The following RTN1 variants were observed in gnomAD, a reference collection of about 807,000 sequenced individuals.
RTN1 encodes the protein reticulon-1.
In RTN1, 25 loss-of-function variants were observed where a neutral mutation model predicts 65.5. The ratio of observed to expected loss-of-function variants is 0.38; its 90% CI spans 0.28 to 0.53. The LOEUF is 0.53. Ranked by LOEUF, RTN1 falls within the 20% of genes least tolerant of loss-of-function variation. RTN1 has a pLI of 0.79. For synonymous variants in RTN1, 471 were observed against 447.6 expected (o/e 1.05, Z -0.66); for missense variants, 983 against 1,025.4 (o/e 0.96, Z 0.57).
In RTN1 at chr14:59,757,806, G is replaced by A. The variant is rs373924402; in HGVS notation, c.242-11325C>T. 2.0e-5 allele frequency among the ~76,000 whole-genome samples: 3 copies of A among 152,212 alleles called. No individual in the cohort carries two copies. The East Asian group carries it at 5.8e-4, about 29-fold the overall frequency. On this transcript the variant is annotated intron_variant, in intron 1 of 8. Coordinates refer to ENST00000267484, the MANE Select transcript of RTN1 (RefSeq NM_021136.3). ...ATGTTTGCTGCTTATAAGCCACCTAGTTTATGGTGTTTTGTTACAGCATCC... is the reference window on the plus strand; with the variant it reads ...ATGTTTGCTGCTTATAAGCCACCTAATTTATGGTGTTTTGTTACAGCATCC...
chr14:59,858,042 C>A (rs943682085), intron 1 of RTN1, among the ~76,000 whole-genome samples: 2 of 152,178 alleles, frequency 1.3e-5, no homozygotes, highest in African/African-American at 4.8e-5. Flanking sequence ...TAGCTTGTAC[C>A]ATCCATCCAA....
chr14:59,609,394 CA>C (rs1265685303), intron 3 of RTN1, among the ~76,000 whole-genome samples: 1 of 150,644 alleles, frequency 6.6e-6, no homozygotes. Context: ...TTGTCCTTAA[CA>C]ACAAAACATG....
intron 1 of RTN1, among the ~76,000 whole-genome samples, chr14:59,799,930 G>A (rs929797553): frequency 6.6e-6 from 1 of 152,140 alleles, no homozygotes; most frequent in Non-Finnish European, 1.5e-5. Flanking sequence ...TTAAGATCTA[G>A]ACACAGAGAA....
chr14:59,687,688 C>T (rs1474375209), intron 3 of RTN1, among the ~76,000 whole-genome samples: 4 of 152,030 alleles, frequency 2.6e-5, no homozygotes, highest in Non-Finnish European at 2.9e-5. Context: ...CCAAGCAGAT[C>T]TCCAGGCATT....
intron 3 of RTN1, among the ~76,000 whole-genome samples, chr14:59,710,940 A>C (rs182065433): frequency 3.9e-5 from 6 of 152,348 alleles, no homozygotes; most frequent in African/African-American, 1.4e-4. Flanking sequence ...ATTTCATTAC[A>C]ATTCTAGCAA....
At chr14:59,715,721 G>A (rs951619078) in intron 3 of RTN1, among the ~76,000 whole-genome samples, 17 of 151,916 alleles carry the variant, frequency 1.1e-4, no homozygotes, top group Non-Finnish European at 2.1e-4. Flanking sequence ...AGCTACTTGG[G>A]AGGCTGAGGC....
chr14:59,835,365 G>C (rs572754615), intron 1 of RTN1, among the ~76,000 whole-genome samples: 2 of 152,288 alleles, frequency 1.3e-5, no homozygotes, highest in African/African-American at 4.8e-5. Flanking sequence ...TGGGTGATGG[G>C]TGTGTTCATT....
At chr14:59,856,427 C>T (rs1039264248) in intron 1 of RTN1, among the ~76,000 whole-genome samples, 1 of 152,146 alleles carries the variant, frequency 6.6e-6, no homozygotes, top group African/African-American at 2.4e-5. Flanking sequence ...TCTTCCAGAC[C>T]AACTCCCACA....
intron 1 of RTN1, among the ~76,000 whole-genome samples, chr14:59,866,409 A>T (rs1828202709): frequency 6.6e-6 from 1 of 152,252 alleles, no homozygotes; most frequent in African/African-American, 2.4e-5. Context: ...TAAAAAAGAG[A>T]TGGAGAGAGG....
At chr14:59,742,752 T>G (rs948953680) in intron 2 of RTN1, among the ~76,000 whole-genome samples, 3 of 152,180 alleles carry the variant, frequency 2.0e-5, no homozygotes, top group African/African-American at 7.2e-5. Context: ...TGTGCAGTTC[T>G]CAATTTTTGT....
rs918757113 is a variant in RTN1, at chr14:59,816,916, G to A, written c.241+53474C>T. 2.0e-5 allele frequency among the ~76,000 whole-genome samples: 3 copies of A among 152,202 alleles called. No homozygotes were observed. Among genetic ancestry groups the A allele is most frequent in the African/African-American group, 7.2e-5 (3 of 41,438 alleles). On this transcript the variant is annotated intron_variant, in intron 1 of 8. Transcript: ENST00000267484. This position sits in a 1 kb window ranked among gnomAD's most constrained non-coding sequence, Gnocchi z 4.3. ...CCACTGTACTCCAGCCTGGGTGACA[G>A]AAAGAGACCGTGACTCAAAATCAAT... is the stretch of plus-strand genomic sequence containing the variant.
intron 3 of RTN1, among the ~76,000 whole-genome samples, chr14:59,690,743 T>G (rs1274058843): frequency 6.6e-6 from 1 of 151,978 alleles, no homozygotes; most frequent in East Asian, 1.9e-4. Flanking sequence ...CCACCCATAC[T>G]CTGGACCACA....
intron 3 of RTN1, among the ~76,000 whole-genome samples, chr14:59,681,551 G>C (rs1883745753): frequency 6.6e-6 from 1 of 152,044 alleles, no homozygotes; most frequent in African/African-American, 2.4e-5. Context: ...CTAATACTCT[G>C]TATTCTCCAC....
chr14:59,741,811 G>A (rs1427335986), intron 2 of RTN1, among the ~76,000 whole-genome samples: 2 of 152,042 alleles, frequency 1.3e-5, no homozygotes, highest in African/African-American at 4.8e-5. Context: ...CACACCTGAG[G>A]TCCCTCCTAG....
At chr14:59,758,640 G>C (rs572949916) in intron 1 of RTN1, among the ~76,000 whole-genome samples, 1 of 152,124 alleles carries the variant, frequency 6.6e-6, no homozygotes, top group Non-Finnish European at 1.5e-5. Context: ...CACCCCAAGG[G>C]TCATGACCAT....
At chr14:59,854,639 CAAAAAA>C (rs552017689) in intron 1 of RTN1, among the ~76,000 whole-genome samples, 11 of 71,788 alleles carry the variant, frequency 1.5e-4, no homozygotes, top group African/African-American at 7.4e-4. Flanking sequence ...GACTGCGTCT[CAAAAAA>C]AAAAAAAAAA....
intron 3 of RTN1, among the ~76,000 whole-genome samples, chr14:59,640,685 T>G (rs1193820124): frequency 6.6e-6 from 1 of 152,202 alleles, no homozygotes; most frequent in Non-Finnish European, 1.5e-5. Flanking sequence ...CTTATGTTTT[T>G]TAACAAAATG....
intron 4 of RTN1, among the ~76,000 whole-genome samples, chr14:59,606,954 A>C (rs1007493805): frequency 6.6e-5 from 10 of 152,320 alleles, no homozygotes; most frequent in African/African-American, 2.4e-4. Context: ...TCAGAACCTC[A>C]GTGTTCCCAC....
intron 1 of RTN1, among the ~76,000 whole-genome samples, chr14:59,833,559 G>A (rs1887163612): frequency 6.6e-6 from 1 of 151,828 alleles, no homozygotes; most frequent in Non-Finnish European, 1.5e-5. Context: ...ATATTCAGGG[G>A]GTACATGTAC....
Sources: allele counts gnomAD v4.1 joint callset (sites outside exome capture counted in the v4.1 genomes callset), GRCh38; gene constraint gnomAD v4.1.1; non-coding constraint Gnocchi (gnomAD v3.1); transcripts MANE v1.5; gene names NCBI Gene and HGNC (gene_info 2026-07-23, HGNC 2026-07-21).